C3: variants seen among roughly 807,000 people sequenced by gnomAD.
The protein encoded by C3 is C3 and PZP-like alpha-2-macroglobulin domain-containing protein 1.
In C3, 97 loss-of-function variants were observed where a neutral mutation model predicts 207.9. The ratio of observed to expected loss-of-function variants is 0.47; its 90% CI spans 0.40 to 0.55. The LOEUF (loss-of-function observed/expected upper bound fraction) is 0.55. C3 is among the 20% of genes least tolerant of loss of function. C3 has a pLI of 0.00. For synonymous variants in C3, 848 were observed against 857.6 expected (o/e 0.99, Z 0.20); for missense variants, 1,684 against 2,171.7 (o/e 0.78, Z 4.46).
chr19:6,708,776 T>C (rs1036730775), intron 14 of C3, among the ~76,000 whole-genome samples: 5 of 151,004 alleles, frequency 3.3e-5, no homozygotes, highest in Non-Finnish European at 7.4e-5. Flanking sequence ...AGCCTCAAAT[T>C]CCTGGGCTCA....
chr19:6,702,511 G>A lies in C3; in HGVS notation c.2314C>T (p.Leu772=). The A allele has an allele frequency of 1.2e-6, 2 of 1,614,122 alleles. No homozygotes were observed. The highest frequency in any genetic ancestry group is 2.2e-5 in the East Asian group (1 of 44,884). The part of the protein sequence containing the change: ...VSRSEFPESW[L]WNVEDLKEPP... Reference sequence around the variant, plus strand: ...TCTTTCAAGTCCTCAACGTTCCACAGCCAGCTCTCTGGGAACTCACTTCGG... The same window carrying A: ...TCTTTCAAGTCCTCAACGTTCCACAACCAGCTCTCTGGGAACTCACTTCGG... The change falls in exon 18 of 41, where the codon CTG becomes TTG. Residue 772 remains leucine (L), a synonymous_variant. Transcript: ENST00000245907.
Position 6,702,133 on chromosome 19 carries a change from T to G in C3, c.2434A>C (p.Lys812Gln). Residue 812 changes from lysine (K) to glutamine (Q), a missense_variant, in exon 19 of 41, where the codon AAG becomes CAG. Around this residue, in one of 3 missense-constraint regions of C3, gnomAD observed 1,280 missense variants for 1,739.1 expected, o/e 0.74. Transcript: ENST00000245907. ...WEILAVSMSD[K>Q]KGICVADPFE... ...AGCCAGCATCCTCTCTCACCTTTCT[T>G]GTCCGACATGCTCACAGCCAGAATC... 6.3e-7 allele frequency: 1 copy of G among 1,585,192 alleles called. No individual in the cohort carries two copies. The highest frequency in any genetic ancestry group is 1.3e-5 in the African/African-American group (1 of 74,152).
At chr19:6,703,807 G>A (rs987084056) in intron 17 of C3, among the ~76,000 whole-genome samples, 13 of 151,920 alleles carry the variant, frequency 8.6e-5, no homozygotes, top group African/African-American at 2.9e-4. Context: ...AATTAGCTGG[G>A]TGTGATGGCA....
rs377177080 is a variant in C3 at position 6,697,679 on chromosome 19, G to A, written c.2556C>T (p.Tyr852=). 6.8e-6 allele frequency: 11 copies of A among 1,613,976 alleles called. No individual in the cohort carries two copies. In the African/African-American group the frequency reaches 1.2e-4, roughly 18 times the overall value. ...TGAGCTCTTGGTTCTGCCGGTAATT[G>A]TAGAGAACGGCTCGGATTTCCACCT... The part of the protein sequence containing the change: ...NEQVEIRAVL[Y]NYRQNQELKV... Residue 852 remains tyrosine (Y), a synonymous_variant, in exon 20 of 41, where the codon TAC becomes TAT. Transcript: ENST00000245907.
chr19:6,718,258 G>A lies in C3; in HGVS notation c.422C>T (p.Pro141Leu). 1 of 1,614,240 alleles carries A rather than the reference G, an allele frequency of 6.2e-7. No homozygotes were observed. The change falls in exon 3 of 41, where the codon CCT becomes CTT. Residue 141 changes from proline to leucine, a missense_variant. Around this residue, in one of 3 missense-constraint regions of C3, gnomAD observed 1,280 missense variants for 1,739.1 expected, o/e 0.74. Transcript: ENST00000245907. ...GCCCCCAGCCTCACCTGTGGAGCCA[G>A]GGGTGTAGATGGTCTTGTCTGTCTG... ...FIQTDKTIYT[P>L]GSTVLYRIFT...
At position 6,707,175 on chromosome 19, in the gene C3, G is replaced by GA. The variant is rs1967797364; in HGVS notation, c.2145_2146insT (p.Leu716SerfsTer35). On this transcript the variant is annotated frameshift_variant, in exon 17 of 41. Coordinates refer to ENST00000245907, the MANE Select transcript of C3 (RefSeq NM_000064.4). LOFTEE classifies it high-confidence loss of function. The stretch of plus-strand genomic sequence containing the variant: ...AAGACCTTCTTGCACGCCTCGCCCA[G>GA]GGAGATGAAACGGGTCCGGCGCTGG... 6.2e-7 allele frequency: 1 copy of GA among 1,613,700 alleles called. No individual in the cohort carries two copies. Among genetic ancestry groups the GA allele is most frequent in the African/African-American group, 1.3e-5 (1 of 74,902 alleles).
chr19:6,713,969 T>C (rs1967978595), intron 7 of C3, 23 bp downstream of exon 7: 2 of 1,489,202 alleles, frequency 1.3e-6, no homozygotes, highest in East Asian at 2.5e-5. Flanking sequence ...GGCTCTTACC[T>C]GGCCCCACCC....
chr19:6,689,741 G>A (rs552509256), intron 27 of C3, among the ~76,000 whole-genome samples: 106 of 152,196 alleles, frequency 7.0e-4, no homozygotes, highest in Non-Finnish European at 1.2e-3. Flanking sequence ...CAGCACTTTG[G>A]GAGGCCACGC....
At chr19:6,704,391 T>A (rs545989633) in intron 17 of C3, among the ~76,000 whole-genome samples, 1 of 152,286 alleles carries the variant, frequency 6.6e-6, no homozygotes, top group East Asian at 1.9e-4. Flanking sequence ...TCAAACATGA[T>A]AGACAGGCTT....
intron 36 of C3, 74 bp from the exon 37 acceptor site, chr19:6,679,570 C>A (rs1226524716): frequency 2.0e-6 from 2 of 995,424 alleles, no homozygotes; most frequent in African/African-American, 3.2e-5. Context: ...AGGCCCAGAT[C>A]CCCAGTTCTC....
intron 2 of C3, among the ~76,000 whole-genome samples, chr19:6,718,821 AG>A (rs768293032): frequency 8.8e-6 from 1 of 113,674 alleles, no homozygotes; most frequent in African/African-American, 3.5e-5. Context: ...AGGGACTTAG[AG>A]GGGGAGGAGA....
At chr19:6,694,750 A>G (rs1967496057) in intron 23 of C3, 116 bp from the exon 24 acceptor site, 2 of 860,954 alleles carry the variant, frequency 2.3e-6, no homozygotes, top group Admixed American at 4.7e-5. Context: ...GGGACAGGCG[A>G]GGACTGGGGA....
At chr19:6,678,901 A>T (rs1475160950) in intron 38 of C3, among the ~76,000 whole-genome samples, 1 of 152,160 alleles carries the variant, frequency 6.6e-6, no homozygotes, top group African/African-American at 2.4e-5. Flanking sequence ...CCACGCAATG[A>T]TGCATACAAC....
intron 17 of C3, among the ~76,000 whole-genome samples, chr19:6,703,410 C>T (rs1050760223): frequency 6.6e-6 from 1 of 152,064 alleles, no homozygotes; most frequent in African/African-American, 2.4e-5. Context: ...GAGTTCGAGA[C>T]AGCCTGGCCA....
chr19:6,686,038 C>T (rs1226132166), intron 29 of C3, 86 bp downstream of exon 29: 3 of 1,362,642 alleles, frequency 2.2e-6, no homozygotes, highest in African/African-American at 1.4e-5. Flanking sequence ...AACTGCCTCG[C>T]TGGGCCTCAG....
At chr19:6,697,065 T>TA (rs1967553973) in intron 21 of C3, among the ~76,000 whole-genome samples, 2 of 78,582 alleles carry the variant, frequency 2.5e-5, no homozygotes, top group African/African-American at 5.0e-5. Flanking sequence ...AACAAATAAA[T>TA]AAATAAATAA....
rs1328442722 is a variant in C3 at position 6,688,981 on chromosome 19, G to GA, written c.3489+1647_3489+1648insT. On this transcript the variant is annotated intron_variant, in intron 27 of 40. Transcript: ENST00000245907. ...TCTGATATTTTCTCTAAGGAAGGCA[G>GA]CCATATTCTGCCTGAACTGAATTAT... 3.9e-5 allele frequency among the ~76,000 whole-genome samples: 6 copies of GA among 152,310 alleles called. No homozygotes were observed. The East Asian group carries it at 1.2e-3, about 29-fold the overall frequency.
intron 7 of C3, 64 bp from the exon 8 acceptor site, chr19:6,713,573 TCTC>T (rs1041840811): frequency 4.7e-6 from 6 of 1,284,430 alleles, no homozygotes; most frequent in South Asian, 1.2e-5. Flanking sequence ...TCCCCCAGCT[TCTC>T]CTGCCTGTGC....
rs377101999 is a variant in C3, at chr19:6,679,185, C to G, written c.4570G>C (p.Asp1524His). 8 of 1,614,212 alleles carry G rather than the reference C, an allele frequency of 5.0e-6. No homozygotes were observed. The African/African-American group carries it at 9.3e-5, about 19-fold the overall frequency. Residue 1524 changes from aspartate to histidine, a missense_variant, in exon 38 of 41, where the codon GAT becomes CAT. Transcript: ENST00000245907. ...CGTTCTTCCAGGGTGACCTTGTCAT[C>G]CGACTTTTGTATGAAGCAATTCTCT... ...AEENCFIQKS[D>H]DKVTLEERLD...
Sources: allele counts gnomAD v4.1 joint callset (sites outside exome capture counted in the v4.1 genomes callset), GRCh38; gene constraint gnomAD v4.1.1; regional missense constraint gnomAD v4.1.1; transcripts MANE v1.5; gene names NCBI Gene and HGNC (gene_info 2026-07-23, HGNC 2026-07-21).